JARID2: variants seen among roughly 807,000 people sequenced by gnomAD.
JARID2 encodes the protein protein Jumonji.
A neutral mutation model predicts 125.6 loss-of-function variants in JARID2; 21 were observed. The observed-to-expected ratio is 0.17, with a 90% CI of 0.12 to 0.24. The LOEUF (loss-of-function observed/expected upper bound fraction) is 0.24. JARID2 is among the 10% of genes least tolerant of loss of function. The pLI is 1.00. For missense variants in JARID2, 1,303 were observed against 1,639.6 expected (o/e 0.79, Z 3.55); for synonymous variants, 736 against 661.6 (o/e 1.11, Z -1.73).
At chr6:15,294,590 C>T (rs1046617079) in intron 1 of JARID2, among the ~76,000 whole-genome samples, 1 of 152,140 alleles carries the variant, frequency 6.6e-6, no homozygotes, top group Non-Finnish European at 1.5e-5. Flanking sequence ...AAGTGCAGGG[C>T]CCAGTGCAGT....
chr6:15,475,904 A>C (rs1419073250), intron 5 of JARID2, among the ~76,000 whole-genome samples: 2 of 152,162 alleles, frequency 1.3e-5, no homozygotes, highest in African/African-American at 4.8e-5. Flanking sequence ...TGCAGGGAGA[A>C]CCTGGGTGAG....
chr6:15,352,452 G>GGACCACAT (rs1324286543), intron 1 of JARID2, among the ~76,000 whole-genome samples: 1 of 152,138 alleles, frequency 6.6e-6, no homozygotes, highest in Non-Finnish European at 1.5e-5. Context: ...AGTCCCCAGA[G>GGACCACAT]GACCACATGA....
At position 15,520,868 on chromosome 6, in the gene JARID2, C is replaced by T. The variant is rs749233263; in HGVS notation, c.*617C>T. On this transcript the variant is annotated 3_prime_UTR_variant, in exon 18 of 18. Coordinates refer to ENST00000341776, the MANE Select transcript of JARID2 (RefSeq NM_004973.4). The stretch of plus-strand genomic sequence containing the variant: ...CATAGGTGGAACGAGGAGACGGGAG[C>T]GAGTGGGCTCTCCACCAGCACATCA... The T allele has an allele frequency of 9.2e-5, 42 of 455,340 alleles. No homozygotes were observed. The highest frequency in any genetic ancestry group is 4.9e-4 in the East Asian group (7 of 14,384). 28.2% of individuals were successfully genotyped at this position (455,340 alleles called of 1,614,324 possible). A position where few individuals can be genotyped will look rare whatever the true frequency, so the allele number is the denominator to read the frequency against.
At chr6:15,401,075 AT>A in intron 2 of JARID2, 1 of 1,289,118 alleles carries the variant, frequency 7.8e-7, no homozygotes, top group South Asian at 1.2e-5. Context: ...TCAGGCTGGT[AT>A]GGCTTTTGTT....
chr6:15,454,754 G>A (rs1382216360), intron 4 of JARID2, among the ~76,000 whole-genome samples: 1 of 152,084 alleles, frequency 6.6e-6, no homozygotes. Context: ...AAAGTGCTGG[G>A]ATGACAGGCA....
At chr6:15,316,918 C>T (rs12215740) in intron 1 of JARID2, among the ~76,000 whole-genome samples, 4,853 of 152,352 alleles carry the variant, frequency 0.032, 127 homozygotes, top group South Asian at 0.11. Flanking sequence ...TTGGGCAAGT[C>T]ATTTAGCCAG....
At chr6:15,480,738 C>T (rs756669317) in intron 5 of JARID2, among the ~76,000 whole-genome samples, 3 of 152,128 alleles carry the variant, frequency 2.0e-5, no homozygotes, top group South Asian at 2.1e-4. Flanking sequence ...TCCTGGAGGG[C>T]GGATAAGAGG....
At chr6:15,475,037 A>C (rs891249189) in intron 5 of JARID2, among the ~76,000 whole-genome samples, 1 of 152,170 alleles carries the variant, frequency 6.6e-6, no homozygotes, top group Non-Finnish European at 1.5e-5. Flanking sequence ...CTTTGTTTTC[A>C]TGTGTAATAA....
rs538086455 is a variant in JARID2, at chr6:15,484,033, A to G, written c.671-3274A>G. Among the ~76,000 whole-genome samples the G allele has an allele frequency of 5.9e-5, 9 of 152,302 alleles. No individual in the cohort carries two copies. In the East Asian group the frequency reaches 1.5e-3, roughly 26 times the overall value. On this transcript the variant is annotated intron_variant, in intron 5 of 17. Transcript: ENST00000341776. The stretch of plus-strand genomic sequence containing the variant: ...TTTCGTGCCATCAGTGCAGATGTCT[A>G]TCCATTGTAAAGGCAAATAATGTCT...
chr6:15,333,650 C>T (rs974209854), intron 1 of JARID2, among the ~76,000 whole-genome samples: 3 of 152,108 alleles, frequency 2.0e-5, no homozygotes, highest in Admixed American at 6.5e-5. Flanking sequence ...CAGTGTTGTG[C>T]AACCATCACC....
intron 1 of JARID2, among the ~76,000 whole-genome samples, chr6:15,303,710 C>G (rs1395959191): frequency 1.3e-5 from 2 of 152,222 alleles, no homozygotes; most frequent in Non-Finnish European, 2.9e-5. Context: ...CTCCCAAGGA[C>G]AAAACCCAAA....
At chr6:15,330,994 C>T (rs533819365) in intron 1 of JARID2, among the ~76,000 whole-genome samples, 30 of 152,224 alleles carry the variant, frequency 2.0e-4, no homozygotes, top group African/African-American at 6.7e-4. Flanking sequence ...TCTCACTAGA[C>T]TTCATTGTCT....
At chr6:15,504,264 A>G (rs777875630) in intron 8 of JARID2, among the ~76,000 whole-genome samples, 45 of 152,256 alleles carry the variant, frequency 3.0e-4, no homozygotes, top group Non-Finnish European at 1.2e-4. Context: ...TGTTCCTGGC[A>G]GAACAATTTG....
intron 1 of JARID2, among the ~76,000 whole-genome samples, chr6:15,256,705 CA>C (rs1759679503): frequency 6.6e-6 from 1 of 152,182 alleles, no homozygotes; most frequent in Non-Finnish European, 1.5e-5. Context: ...TCACCCTGTT[CA>C]CCCCGTCTGG....
intron 3 of JARID2, among the ~76,000 whole-genome samples, chr6:15,436,408 G>T (rs1257993534): frequency 6.6e-6 from 1 of 152,216 alleles, no homozygotes; most frequent in Non-Finnish European, 1.5e-5. Flanking sequence ...CCAGCCGCTT[G>T]TGTCGTCTTC....
rs1194744731 is a variant in JARID2 at position 15,488,662 on chromosome 6, G to C, written c.906+1120G>C. ...GGTGACGTTGTGGATATTTCTCTCT[G>C]AACGTGAACATGTGACTATAGTCAC... On this transcript the variant is annotated intron_variant, in intron 6 of 17. Coordinates refer to ENST00000341776, the MANE Select transcript of JARID2 (RefSeq NM_004973.4). Among the ~76,000 whole-genome samples the C allele has an allele frequency of 2.0e-5, 3 of 152,140 alleles. No homozygotes were observed. In the East Asian group the frequency reaches 5.8e-4, roughly 29 times the overall value.
At chr6:15,393,402 G>A (rs542541376) in intron 2 of JARID2, among the ~76,000 whole-genome samples, 1 of 152,334 alleles carries the variant, frequency 6.6e-6, no homozygotes, top group Admixed American at 6.5e-5. Context: ...CGTAAATAAT[G>A]TTGGTAGCTC....
At chr6:15,494,015 G>A (rs1770283211) in intron 6 of JARID2, among the ~76,000 whole-genome samples, 1 of 152,194 alleles carries the variant, frequency 6.6e-6, no homozygotes, top group Non-Finnish European at 1.5e-5. Flanking sequence ...GAGCCAGAGT[G>A]TGATTCCTGG....
intron 2 of JARID2, among the ~76,000 whole-genome samples, chr6:15,392,079 CG>C (rs1765039093): frequency 2.9e-5 from 1 of 34,276 alleles, no homozygotes; most frequent in South Asian, 1.7e-3. Flanking sequence ...TGTGTGTGTG[CG>C]TGTCTGGAGG....
Sources: gnomAD v4.1 joint callset for allele counts (sites outside exome capture counted in the v4.1 genomes callset) on GRCh38, gnomAD v4.1.1 for gene constraint, MANE v1.5 for transcripts, NCBI Gene and HGNC (gene_info 2026-07-23, HGNC 2026-07-21) for gene names.